The following WDR72 variants were observed in gnomAD, a reference collection of about 807,000 sequenced individuals.
WDR72 encodes WD repeat domain 72.
Under a neutral mutation model 124.2 loss-of-function variants are expected in WDR72, and 120 were observed. That is an observed-to-expected ratio of 0.97 (90% CI 0.83 to 1.12). The LOEUF is 1.12. Among genes scored for constraint, WDR72 ranks in the 50% most tolerant of loss-of-function variants. WDR72 has a pLI of 0.00. For synonymous variants in WDR72, 452 were observed against 441.7 expected, an observed-to-expected ratio of 1.02 and a Z score of -0.29; for missense variants, 1,387 against 1,278.8, an observed-to-expected ratio of 1.08 and a Z score of -1.29.
At position 53,517,446 on chromosome 15, in the gene WDR72, A is replaced by G; in HGVS notation, c.*253T>C. On this transcript the variant is annotated 3_prime_UTR_variant, in exon 20 of 20. Transcript: ENST00000360509. Reference sequence around the variant, plus strand: ...GAAATATTAACAGAAAAAGTAAGAAACAGGAATAGAGAATGATCTAGGCAA... The same window carrying G: ...GAAATATTAACAGAAAAAGTAAGAAGCAGGAATAGAGAATGATCTAGGCAA... 2.2e-6 allele frequency: 1 copy of G among 450,214 alleles called. No individual in the cohort carries two copies. Among genetic ancestry groups the G allele is most frequent in the Non-Finnish European group, 4.1e-6 (1 of 246,068 alleles). 27.9% of individuals were successfully genotyped at this position (450,214 alleles called of 1,614,324 possible).
chr15:53,656,523 G>T (rs548801981), intron 14 of WDR72, among the ~76,000 whole-genome samples: 35 of 152,096 alleles, frequency 2.3e-4, no homozygotes, highest in African/African-American at 8.4e-4. Flanking sequence ...TACTCTCTTA[G>T]GGCCAGTTTC....
intron 14 of WDR72, among the ~76,000 whole-genome samples, chr15:53,645,675 G>A (rs1386300353): frequency 6.6e-6 from 1 of 152,110 alleles, no homozygotes; most frequent in Non-Finnish European, 1.5e-5. Flanking sequence ...TTTGCCTTAA[G>A]CATGATTTTT....
intron 18 of WDR72, among the ~76,000 whole-genome samples, chr15:53,526,627 T>G (rs1005270958): frequency 1.3e-5 from 2 of 152,092 alleles, no homozygotes; most frequent in Admixed American, 6.6e-5. Context: ...TTTATCACAG[T>G]AAGTTGTCCT....
chr15:53,630,568 A>G (rs954903041), intron 14 of WDR72, among the ~76,000 whole-genome samples: 3 of 152,220 alleles, frequency 2.0e-5, no homozygotes, highest in Non-Finnish European at 4.4e-5. Context: ...ACAAAAATCC[A>G]TTAACATAAC....
rs571116800 is a variant in WDR72 at position 53,757,177 on chromosome 15, A to C, written c.-13+2456T>G. Among the ~76,000 whole-genome samples, 13 of 152,326 alleles carry C rather than the reference A, an allele frequency of 8.5e-5. No individual in the cohort carries two copies. In the South Asian group the frequency reaches 2.3e-3, roughly 27 times the overall value. ...TGGGCCTAGACCTCAGTGCACAGAT[A>C]GATACTTTTAGTCCAGGTCTCCACC... On this transcript the variant is annotated intron_variant, in intron 1 of 19. Transcript: ENST00000360509.
chr15:53,622,633 G>A (rs2014042611), intron 14 of WDR72, among the ~76,000 whole-genome samples: 1 of 152,068 alleles, frequency 6.6e-6, no homozygotes, highest in Non-Finnish European at 1.5e-5. Context: ...TGAGGAGGGA[G>A]CAGGGGGAGG....
rs1891540041 is a variant in WDR72, at chr15:53,517,742, T to A, written c.3266A>T (p.His1089Leu). The change falls in exon 20 of 20, where the codon CAT becomes CTT. Residue 1089 changes from histidine (H) to leucine (L), a missense_variant. Transcript: ENST00000360509. Reference sequence around the variant, plus strand: ...GCAGACCTTTGCTATCCATGAATGATGCCTTGGCTCACCTAGGAAAAAAGC... The same window carrying A: ...GCAGACCTTTGCTATCCATGAATGAAGCCTTGGCTCACCTAGGAAAAAAGC... ...EESESPGEPR[H>L]HSWIAKVCPC... 2.5e-6 allele frequency: 4 copies of A among 1,612,824 alleles called. No homozygotes were observed. In the African/African-American group the frequency reaches 4.0e-5, roughly 16 times the overall value.
chr15:53,691,248 A>G (rs58979621), intron 13 of WDR72, among the ~76,000 whole-genome samples: 10,905 of 152,060 alleles, frequency 0.072, 987 homozygotes, highest in African/African-American at 0.21. Flanking sequence ...ATGGGATCAC[A>G]CTATGATGCC....
At chr15:53,685,727 C>G (rs2016596903) in intron 13 of WDR72, among the ~76,000 whole-genome samples, 2 of 151,276 alleles carry the variant, frequency 1.3e-5, no homozygotes, top group African/African-American at 4.9e-5. Flanking sequence ...AAAGATACTC[C>G]TCGAGAAGAC....
intron 18 of WDR72, among the ~76,000 whole-genome samples, chr15:53,591,986 C>T (rs1906439): frequency 0.32 from 48,907 of 151,822 alleles, 8,637 homozygotes; most frequent in Middle Eastern, 0.55. Flanking sequence ...ATATCTTCAG[C>T]ACACCTGGAA....
chr15:53,640,083 T>C (rs1206644476), intron 14 of WDR72, among the ~76,000 whole-genome samples: 4 of 152,212 alleles, frequency 2.6e-5, no homozygotes, highest in Non-Finnish European at 5.9e-5. Context: ...AGCACACTTT[T>C]AAAAATTAAG....
At chr15:53,581,059 A>T (rs1299481847) in intron 18 of WDR72, among the ~76,000 whole-genome samples, 1 of 131,832 alleles carries the variant, frequency 7.6e-6, no homozygotes, top group Non-Finnish European at 1.7e-5. Flanking sequence ...CCATAAACAC[A>T]TTGACTGACT....
intron 13 of WDR72, among the ~76,000 whole-genome samples, chr15:53,666,080 CA>C (rs1296501234): frequency 6.6e-6 from 1 of 152,150 alleles, no homozygotes; most frequent in Non-Finnish European, 1.5e-5. Flanking sequence ...ATCAATAACA[CA>C]TAACTATGGA....
At chr15:53,605,652 T>G (rs1474755499) in intron 17 of WDR72, among the ~76,000 whole-genome samples, 1 of 152,020 alleles carries the variant, frequency 6.6e-6, no homozygotes, top group Non-Finnish European at 1.5e-5. Context: ...GTCAGGAGTT[T>G]GAGACCAGCC....
At chr15:53,739,069 T>A (rs1015769931) in intron 1 of WDR72, among the ~76,000 whole-genome samples, 1 of 152,208 alleles carries the variant, frequency 6.6e-6, no homozygotes, top group African/African-American at 2.4e-5. Flanking sequence ...TACATTCTTA[T>A]ATATGAAAGC....
intron 14 of WDR72, among the ~76,000 whole-genome samples, chr15:53,654,355 T>G (rs1399896669): frequency 1.3e-5 from 2 of 152,222 alleles, no homozygotes; most frequent in African/African-American, 4.8e-5. Flanking sequence ...ATACCCTTTA[T>G]ACAGATAGAG....
intron 18 of WDR72, among the ~76,000 whole-genome samples, chr15:53,523,590 T>C (rs1891934424): frequency 6.6e-6 from 1 of 152,058 alleles, no homozygotes; most frequent in African/African-American, 2.4e-5. Flanking sequence ...AACAAAGTGA[T>C]CTCTTCGAAG....
At chr15:53,654,451 CT>C (rs1280574610) in intron 14 of WDR72, among the ~76,000 whole-genome samples, 1 of 152,096 alleles carries the variant, frequency 6.6e-6, no homozygotes, top group Non-Finnish European at 1.5e-5. Flanking sequence ...AAACTGAAGT[CT>C]GATAAAATAT....
Position 53,714,508 on chromosome 15 carries a change from C to T in WDR72, c.517G>A (p.Asp173Asn), listed in dbSNP as rs368607251. ...CIVHSMRIQE[D>N]SLLVVSVAGE... ...GCTACTGATACCACCAAGAGAGAAT[C>T]TTCTGTGAAAATAATAAAAGTCACA... is the stretch of plus-strand genomic sequence containing the variant. Residue 173 changes from aspartate to asparagine, a missense_variant and splice_region_variant, in exon 6 of 20, where the codon GAT (aspartate) becomes AAT (asparagine). Asp to Asn is a conservative substitution (Grantham distance 23). Coordinates refer to ENST00000360509, the MANE Select transcript of WDR72 (RefSeq NM_182758.4). 77 of 1,612,638 alleles carry T rather than the reference C, an allele frequency of 4.8e-5. No homozygotes were observed. Among genetic ancestry groups the T allele is most frequent in the Non-Finnish European group, 6.2e-5 (73 of 1,178,912 alleles).
Sources: allele counts gnomAD v4.1 joint callset (sites outside exome capture counted in the v4.1 genomes callset), GRCh38; gene constraint gnomAD v4.1.1; transcripts MANE v1.5; gene names NCBI Gene and HGNC (gene_info 2026-07-23, HGNC 2026-07-21).